The following TENM1 variants were observed in gnomAD, a reference collection of about 807,000 sequenced individuals.
TENM1 encodes the protein teneurin-1.
Under a neutral mutation model 174.8 loss-of-function variants are expected in TENM1, and 35 were observed. That is an observed-to-expected ratio of 0.20 (90% confidence interval 0.15 to 0.27). The LOEUF is 0.27. TENM1 is among the 10% of genes least tolerant of loss of function. TENM1 has a pLI of 1.00. For missense variants in TENM1, 1,633 were observed against 2,130.1 expected (o/e 0.77, Z 4.59); for synonymous variants, 781 against 798.7 (o/e 0.98, Z 0.37).
intron 11 of TENM1, among the ~76,000 whole-genome samples, chrX:124,588,262 T>A (rs1463812883): frequency 9.9e-5 from 11 of 111,223 alleles, no homozygotes; most frequent in Non-Finnish European, 1.9e-4. Flanking sequence ...TGTGGCACTA[T>A]TCACAATAGC....
intron 3 of TENM1, among the ~76,000 whole-genome samples, chrX:124,749,431 A>T (rs2054011575): frequency 8.9e-6 from 1 of 112,132 alleles, no homozygotes; most frequent in African/African-American, 3.2e-5. Context: ...TGAATACAAC[A>T]TTAGTGCTTT....
At chrX:124,526,025 G>A (rs1358366639) in intron 16 of TENM1, among the ~76,000 whole-genome samples, 3 of 111,640 alleles carry the variant, frequency 2.7e-5, no homozygotes, top group African/African-American at 9.8e-5. Flanking sequence ...GGTCTCCTTG[G>A]GACTTCCCTT....
intron 22 of TENM1, among the ~76,000 whole-genome samples, chrX:124,471,361 T>C (rs2061317686): frequency 2.4e-5 from 1 of 41,381 alleles, no homozygotes; most frequent in Non-Finnish European, 3.8e-5. Context: ...TTATAATATA[T>C]AGTACTATAT....
chrX:124,500,669 G>C (rs1433514002), intron 19 of TENM1, among the ~76,000 whole-genome samples: 1 of 111,743 alleles, frequency 8.9e-6, no homozygotes, highest in Non-Finnish European at 1.9e-5. Flanking sequence ...TTGCCAAAAA[G>C]CCAAGCCCAT....
chrX:125,187,864 G>T, the TENM1 span, among the ~76,000 whole-genome samples: 5 of 111,564 alleles, frequency 4.5e-5, no homozygotes, highest in African/African-American at 1.6e-4. Flanking sequence ...ATTTAAATAA[G>T]CACATTATAA....
At chrX:124,404,988 A>G (rs755646734) in intron 27 of TENM1, 43 bp downstream of exon 30, 2 of 1,039,982 alleles carry the variant, frequency 1.9e-6, no homozygotes, top group African/African-American at 2.0e-5. Context: ...AACAAACAAA[A>G]CACCTATAAA....
chrX:125,104,853 A>G, the TENM1 span, among the ~76,000 whole-genome samples: 5 of 112,235 alleles, frequency 4.5e-5, no homozygotes, highest in Non-Finnish European at 9.4e-5. Context: ...TCGTTCTACA[A>G]TAACAACTTC....
At chrX:124,653,771 C>T in exon 7 of TENM1, 2 of 1,206,998 alleles carry the variant, frequency 1.7e-6, no homozygotes, top group African/African-American at 3.5e-5. Flanking sequence ...TATCGCCCGT[C>T]CCTTCTGAAA....
chrX:124,790,513 A>G (rs1165961186), intron 3 of TENM1, among the ~76,000 whole-genome samples: 1 of 111,912 alleles, frequency 8.9e-6, no homozygotes, highest in Non-Finnish European at 1.9e-5. Context: ...TACTCCATAA[A>G]CTATTTCCAA....
At chrX:125,100,083 C>T in the TENM1 span, among the ~76,000 whole-genome samples, 4 of 111,347 alleles carry the variant, frequency 3.6e-5, no homozygotes, top group Non-Finnish European at 7.5e-5. Context: ...GTCCTCTTCC[C>T]CTTTGTTATA....
intron 3 of TENM1, among the ~76,000 whole-genome samples, chrX:124,758,221 G>A (rs969519729): frequency 8.9e-6 from 1 of 111,744 alleles, no homozygotes; most frequent in African/African-American, 3.3e-5. Context: ...TAAAAAATGG[G>A]CAAAGGACTT....
chrX:124,578,002 G>C (rs1046747330), intron 11 of TENM1, among the ~76,000 whole-genome samples: 1 of 106,717 alleles, frequency 9.4e-6, no homozygotes, highest in African/African-American at 3.4e-5. Flanking sequence ...CATGGCTCAC[G>C]GTGGCGTTAA....
intron 5 of TENM1, among the ~76,000 whole-genome samples, chrX:124,690,725 C>G (rs1178667662): frequency 4.5e-5 from 5 of 110,280 alleles, no homozygotes; most frequent in Non-Finnish European, 9.5e-5. Context: ...CTTGCAAGTG[C>G]TGGTTGTTAA....
rs746047662 is a variant in TENM1, at chrX:124,509,192, G to A, written c.3302-5489C>T. Among the ~76,000 whole-genome samples the A allele has an allele frequency of 4.5e-5, 5 of 111,573 alleles. No homozygotes were observed. The South Asian group carries it at 1.9e-3, about 42-fold the overall frequency. On this transcript the variant is annotated intron_variant, in intron 18 of 31. Coordinates refer to ENST00000422452, the Ensembl canonical transcript of TENM1. ...GTAACCAGGAAATTTATGTTGGACT[G>A]TGGAGGCAAGGAAAAGCCTCTTTAC...
At chrX:124,519,091 G>A (rs2047783777) in intron 18 of TENM1, among the ~76,000 whole-genome samples, 1 of 111,883 alleles carries the variant, frequency 8.9e-6, no homozygotes, top group African/African-American at 3.3e-5. Flanking sequence ...AAGTATGGCT[G>A]AGTCACCACT....
chrX:124,663,577 ATGT>A (rs1247145841), intron 6 of TENM1, among the ~76,000 whole-genome samples: 2 of 111,811 alleles, frequency 1.8e-5, no homozygotes, highest in African/African-American at 6.5e-5. Context: ...CAAAACTAAA[ATGT>A]TGTAAAAATG....
At chrX:124,668,609 G>A (rs1164810751) in intron 6 of TENM1, among the ~76,000 whole-genome samples, 5 of 109,282 alleles carry the variant, frequency 4.6e-5, no homozygotes, top group African/African-American at 1.7e-4. Context: ...ACAAAAAACC[G>A]AACACCGCAT....
At chrX:124,893,660 T>A (rs1178765357) in intron 3 of TENM1, among the ~76,000 whole-genome samples, 2 of 110,342 alleles carry the variant, frequency 1.8e-5, no homozygotes, top group African/African-American at 6.8e-5. Flanking sequence ...AATGTTACTT[T>A]CAGTAGTATC....
intron 16 of TENM1, among the ~76,000 whole-genome samples, chrX:124,525,350 T>A (rs2047949577): frequency 8.9e-6 from 1 of 112,220 alleles, no homozygotes; most frequent in Non-Finnish European, 1.9e-5. Flanking sequence ...TCTGAATTCA[T>A]AATACTACAG....
Sources: gnomAD v4.1 joint callset for allele counts (sites outside exome capture counted in the v4.1 genomes callset) on GRCh38, gnomAD v4.1.1 for gene constraint, MANE v1.5 for transcripts, NCBI Gene and HGNC (gene_info 2026-07-23, HGNC 2026-07-21) for gene names.